The following SNX13 variants were observed in gnomAD, a reference collection of about 807,000 sequenced individuals.
The protein encoded by SNX13 is sorting nexin 13.
SNX13 carries 45 observed loss-of-function variants against 133.6 expected under a neutral mutation model. The ratio of observed to expected loss-of-function variants is 0.34; its 90% CI spans 0.27 to 0.43. The LOEUF is 0.43. Among genes scored for constraint, SNX13 ranks in the 20% least tolerant of loss-of-function variants. The pLI is 1.00. For missense variants in SNX13, 1,032 were observed against 1,145.1 expected (o/e 0.90, Z 1.43); for synonymous variants, 414 against 373.9 (o/e 1.11, Z -1.24).
chr7:17,819,156 T>C (rs1411322785), intron 18 of SNX13, among the ~76,000 whole-genome samples: 1 of 152,224 alleles, frequency 6.6e-6, no homozygotes, highest in East Asian at 1.9e-4. Context: ...TATTTTCTTA[T>C]AAGTCTCCAT....
At chr7:17,879,879 A>T (rs1437887945) in intron 5 of SNX13, 2 of 152,186 alleles carry the variant, frequency 1.3e-5, no homozygotes, top group Admixed American at 1.3e-4. Flanking sequence ...TCATTTCCCA[A>T]AGTTTGTTTT....
At chr7:17,878,843 T>C (rs746277387) in intron 5 of SNX13, among the ~76,000 whole-genome samples, 22 of 152,186 alleles carry the variant, frequency 1.4e-4, no homozygotes, top group Non-Finnish European at 2.6e-4. Flanking sequence ...TCTTTCCATT[T>C]GTCAAGTGCA....
chr7:17,801,540 G>A (rs1311020268), intron 22 of SNX13, 48 bp downstream of exon 22: 2 of 1,419,986 alleles, frequency 1.4e-6, no homozygotes, highest in African/African-American at 2.8e-5. Context: ...AAAAAGATAT[G>A]CCAAGTATGA....
intron 17 of SNX13, among the ~76,000 whole-genome samples, chr7:17,825,202 G>A (rs1787754771): frequency 6.6e-6 from 1 of 151,710 alleles, no homozygotes; most frequent in African/African-American, 2.4e-5. Flanking sequence ...ACAAGAAAAA[G>A]GAAATGAAGA....
chr7:17,862,182 T>C (rs537643633), intron 9 of SNX13, among the ~76,000 whole-genome samples: 3 of 152,278 alleles, frequency 2.0e-5, no homozygotes, highest in African/African-American at 7.2e-5. Flanking sequence ...GGAATAAAAA[T>C]AATTCCCAAT....
chr7:17,919,806 T>C (rs1300709139), intron 1 of SNX13, among the ~76,000 whole-genome samples: 1 of 152,124 alleles, frequency 6.6e-6, no homozygotes, highest in South Asian at 2.1e-4. Context: ...AAAAGATACA[T>C]TATAAAAATG....
chr7:17,874,008 C>T (rs1156752849), intron 7 of SNX13, among the ~76,000 whole-genome samples: 2 of 152,124 alleles, frequency 1.3e-5, no homozygotes, highest in Admixed American at 6.5e-5. Context: ...CAAGAAAACA[C>T]CTCCATCATC....
rs575536477 is a variant in SNX13 at position 17,858,607 on chromosome 7, T to C, written c.838-7643A>G. Reference sequence around the variant, plus strand: ...AATGTAATCACAGTTAAAATTCTAATAGGTTTTTAATAAAAACTAAACGTT... The same window carrying C: ...AATGTAATCACAGTTAAAATTCTAACAGGTTTTTAATAAAAACTAAACGTT... On this transcript the variant is annotated intron_variant, in intron 9 of 25. Transcript: ENST00000428135. 5.9e-5 allele frequency among the ~76,000 whole-genome samples: 9 copies of C among 152,208 alleles called. 1 individual carries two copies. In the South Asian group the frequency reaches 1.2e-3, roughly 21 times the overall value.
chr7:17,794,934 GA>G (rs1448021255), intron 25 of SNX13: 1 of 151,556 alleles, frequency 6.6e-6, no homozygotes, highest in Non-Finnish European at 1.5e-5. Context: ...CGATAACAAA[GA>G]AAAGTTCCCT....
intron 1 of SNX13, among the ~76,000 whole-genome samples, chr7:17,914,789 T>C (rs566375636): frequency 6.6e-6 from 1 of 152,206 alleles, no homozygotes; most frequent in Non-Finnish European, 1.5e-5. Flanking sequence ...GCACATGGTC[T>C]CCAGACCCCA....
chr7:17,859,648 AC>A (rs1792381569), intron 9 of SNX13, among the ~76,000 whole-genome samples: 1 of 152,022 alleles, frequency 6.6e-6, no homozygotes, highest in Admixed American at 6.5e-5. Flanking sequence ...GAAAACTGAA[AC>A]TCTAGATCCA....
chr7:17,847,841 G>C (rs1790730971), intron 11 of SNX13, among the ~76,000 whole-genome samples: 1 of 152,088 alleles, frequency 6.6e-6, no homozygotes, highest in African/African-American at 2.4e-5. Context: ...TCAATTCTCA[G>C]TCTTCATCTT....
At chr7:17,888,795 G>A (rs1583637307) in intron 5 of SNX13, 4 of 468,046 alleles carry the variant, frequency 8.5e-6, no homozygotes. Context: ...TATCCTGAGA[G>A]GAACACAGAA....
At chr7:17,830,593 C>CA in intron 15 of SNX13, 1 of 983,632 alleles carries the variant, frequency 1.0e-6, no homozygotes, top group Middle Eastern at 5.2e-4. Context: ...AACAAAAAGA[C>CA]AGTTAAAACT....
chr7:17,812,383 A>G (rs921917591), intron 20 of SNX13, among the ~76,000 whole-genome samples: 7 of 152,218 alleles, frequency 4.6e-5, no homozygotes, highest in African/African-American at 1.7e-4. Flanking sequence ...TGCAGCCAAC[A>G]AACATGAAAA....
intron 2 of SNX13, among the ~76,000 whole-genome samples, chr7:17,895,563 A>G (rs1472075241): frequency 1.3e-5 from 2 of 152,192 alleles, no homozygotes; most frequent in East Asian, 1.9e-4. Flanking sequence ...AATATTCTCT[A>G]GAGTTTTTTA....
chr7:17,885,687 G>A (rs1324613456), intron 5 of SNX13, among the ~76,000 whole-genome samples: 2 of 152,140 alleles, frequency 1.3e-5, no homozygotes, highest in Admixed American at 6.5e-5. Context: ...AATTAGCCGG[G>A]AGTGGCAGCG....
intron 20 of SNX13, among the ~76,000 whole-genome samples, chr7:17,809,404 A>T (rs947383553): frequency 1.3e-5 from 2 of 151,656 alleles, no homozygotes; most frequent in Admixed American, 1.3e-4. Flanking sequence ...CATAATGGTA[A>T]AGGGATCAAT....
At chr7:17,897,083 T>G (rs1797289064) in intron 2 of SNX13, among the ~76,000 whole-genome samples, 1 of 152,056 alleles carries the variant, frequency 6.6e-6, no homozygotes. Context: ...ACTTTACACA[T>G]TATCACCAAA....
Sources: gnomAD v4.1 joint callset for allele counts (sites outside exome capture counted in the v4.1 genomes callset) on GRCh38, gnomAD v4.1.1 for gene constraint, MANE v1.5 for transcripts, NCBI Gene and HGNC (gene_info 2026-07-23, HGNC 2026-07-21) for gene names.